Variants in COL6A5 observed in about 807,000 individuals in gnomAD.
The protein encoded by COL6A5 is collagen type VI alpha 5 chain, also known as collagen alpha-5(VI) chain.
In COL6A5, 48 loss-of-function variants were observed where a neutral mutation model predicts 65.6. The ratio of observed to expected loss-of-function variants is 0.73; its 90% CI spans 0.58 to 0.93. The LOEUF is 0.93. Ranked by LOEUF, COL6A5 falls within the 40% of genes least tolerant of loss-of-function variation. COL6A5 has a pLI of 0.00. For synonymous variants in COL6A5, 291 were observed against 322.8 expected (o/e 0.90, Z 1.05); for missense variants, 914 against 928.3 (o/e 0.98, Z 0.20).
exon 12 of COL6A5, chr3:130,401,822 C>T (rs1332476030): frequency 9.2e-5 from 142 of 1,551,344 alleles, no homozygotes; most frequent in Non-Finnish European, 1.1e-4. Flanking sequence ...AATTCCAGGA[C>T]CTCATGGGAC....
chr3:130,399,401 C>T (rs1182068184), intron 10 of COL6A5, among the ~76,000 whole-genome samples: 5 of 144,734 alleles, frequency 3.5e-5, no homozygotes, highest in Admixed American at 2.8e-4. Flanking sequence ...GACAAAGTCT[C>T]GCTCTGTCAC....
chr3:130,440,651 A>G (rs1300313284), exon 3 of COL6A5: 5 of 1,613,542 alleles, frequency 3.1e-6, no homozygotes, highest in Non-Finnish European at 3.4e-6. Context: ...TTTGAGGGCT[A>G]AGTGTCAAGG....
Position 130,411,911 on chromosome 3 carries a change from A to C in COL6A5, c.4662+1387A>C, listed in dbSNP as rs140007240. ...AAACAAGGCAACATTGATATGAAACAACATCAGGTTTTCTCCCCTCTCCCC... is the reference window on the plus strand; with the variant it reads ...AAACAAGGCAACATTGATATGAAACCACATCAGGTTTTCTCCCCTCTCCCC... On this transcript the variant is annotated intron_variant and NMD_transcript_variant, in intron 20 of 41. Coordinates refer to the COL6A5 transcript ENST00000312481. 7.1e-3 allele frequency among the ~76,000 whole-genome samples: 1,082 copies of C among 152,256 alleles called. 6 individuals carry two copies. Among genetic ancestry groups the C allele is most frequent in the African/African-American group, 0.024 (1,012 of 41,542 alleles).
chr3:130,401,233 T>C, intron 11 of COL6A5, 60 bp downstream of exon 11: 2 of 1,427,154 alleles, frequency 1.4e-6, no homozygotes, highest in Non-Finnish European at 1.9e-6. Context: ...AATTGGAATC[T>C]TGATGAGAAC....
intron 5 of COL6A5, among the ~76,000 whole-genome samples, chr3:130,387,184 A>G (rs1483614806): frequency 6.6e-6 from 1 of 152,030 alleles, no homozygotes; most frequent in East Asian, 1.9e-4. Context: ...TAATGGTAAG[A>G]CCCAGAAGTG....
chr3:130,402,397 T>C (rs147215445), intron 12 of COL6A5, among the ~76,000 whole-genome samples: 1,543 of 152,218 alleles, frequency 0.01, 13 homozygotes, highest in Non-Finnish European at 0.015. Context: ...TATACAACAA[T>C]AGGATGAATA....
At chr3:130,408,996 C>T (rs1198019351) in intron 17 of COL6A5, among the ~76,000 whole-genome samples, 2 of 152,260 alleles carry the variant, frequency 1.3e-5, no homozygotes, top group Non-Finnish European at 1.5e-5. Context: ...GCATTGATTA[C>T]ATTTTATGTG....
At chr3:130,388,601 ACAT>A (rs1419548001) in exon 6 of COL6A5, 2 of 1,545,842 alleles carry the variant, frequency 1.3e-6, no homozygotes, top group Non-Finnish European at 1.7e-6. Flanking sequence ...ATGAAGGCCG[ACAT>A]CATGTTTCTG....
chr3:130,345,853 C>G (rs1464079678), exon 1 of COL6A5: 4 of 398,298 alleles, frequency 1.0e-5, no homozygotes, highest in African/African-American at 4.1e-5. Flanking sequence ...GGCGCGCGCT[C>G]TATCCAACTG....
At chr3:130,417,086 G>A (rs574580029) in intron 24 of COL6A5, among the ~76,000 whole-genome samples, 1 of 151,110 alleles carries the variant, frequency 6.6e-6, no homozygotes, top group South Asian at 2.1e-4. Flanking sequence ...CCTCTCCTTG[G>A]CCCCCACCCC....
intron 1 of COL6A5, among the ~76,000 whole-genome samples, chr3:130,435,240 A>G (rs1183853417): frequency 6.6e-6 from 1 of 152,166 alleles, no homozygotes; most frequent in Non-Finnish European, 1.5e-5. Context: ...GTCGAAGATC[A>G]GATTGTTCTA....
chr3:130,476,501 A>AT (rs200069300), intron 7 of COL6A5, among the ~76,000 whole-genome samples: 1 of 152,138 alleles, frequency 6.6e-6, no homozygotes, highest in African/African-American at 2.4e-5. Context: ...TCACCTAGTT[A>AT]TTTTTTTGAA....
chr3:130,466,274 C>G (rs1051116332), intron 5 of COL6A5, among the ~76,000 whole-genome samples: 1 of 151,994 alleles, frequency 6.6e-6, no homozygotes, highest in Non-Finnish European at 1.5e-5. Flanking sequence ...AATGTGTTCT[C>G]TGACTGAAAC....
chr3:130,414,184 G>A, intron 22 of COL6A5, 53 bp downstream of exon 22: 1 of 1,311,452 alleles, frequency 7.6e-7, no homozygotes, highest in Middle Eastern at 1.8e-4. Flanking sequence ...TTATTCTGAT[G>A]GGAAGAAGGC....
intron 1 of COL6A5, among the ~76,000 whole-genome samples, chr3:130,351,953 T>C (rs1934732425): frequency 6.6e-6 from 1 of 152,166 alleles, no homozygotes; most frequent in Non-Finnish European, 1.5e-5. Context: ...GTGGCACATA[T>C]ACACCATGGA....
rs140958749 is a variant in COL6A5, at chr3:130,423,440, G to A, written c.5101-398G>A. On this transcript the variant is annotated intron_variant and NMD_transcript_variant, in intron 28 of 41. Coordinates refer to the COL6A5 transcript ENST00000312481. ...ATCCGTATCCATCACTTTGGGGTATGAGAATGACATAGCCCACTCATGTCC... is the reference window on the plus strand; with the variant it reads ...ATCCGTATCCATCACTTTGGGGTATAAGAATGACATAGCCCACTCATGTCC... Among the ~76,000 whole-genome samples the A allele has an allele frequency of 1.3e-3, 200 of 152,256 alleles. 1 individual carries two copies. The highest frequency in any genetic ancestry group is 4.6e-3 in the African/African-American group (192 of 41,556).
chr3:130,370,727 A>G (rs1030262409), intron 1 of COL6A5, among the ~76,000 whole-genome samples: 2 of 152,216 alleles, frequency 1.3e-5, no homozygotes, highest in Non-Finnish European at 2.9e-5. Flanking sequence ...AGGTAAGGGA[A>G]TATTATTTGG....
At chr3:130,376,286 T>A in exon 3 of COL6A5, 1 of 1,612,928 alleles carries the variant, frequency 6.2e-7, no homozygotes, top group Non-Finnish European at 8.5e-7. Context: ...ACAGCTCCGA[T>A]CACCTGGGAC....
At chr3:130,357,443 A>T (rs183453578) in intron 1 of COL6A5, among the ~76,000 whole-genome samples, 1 of 152,326 alleles carries the variant, frequency 6.6e-6, no homozygotes, top group Non-Finnish European at 1.5e-5. Context: ...AAAGAAGAAA[A>T]GCTTCCAGAT....
Sources: gnomAD v4.1 joint callset for allele counts (sites outside exome capture counted in the v4.1 genomes callset) on GRCh38, gnomAD v4.1.1 for gene constraint, MANE v1.5 for transcripts, NCBI Gene and HGNC (gene_info 2026-07-23, HGNC 2026-07-21) for gene names.